INSL6: variants seen among roughly 807,000 people sequenced by gnomAD.
INSL6 encodes insulin like 6, also known as insulin-like peptide INSL6.
In INSL6, 16 loss-of-function variants were observed where a neutral mutation model predicts 9.4. The observed-to-expected ratio is 1.70, with a 90% CI of 1.15 to 2.59. The LOEUF (loss-of-function observed/expected upper bound fraction) is 2.59, where lower values mean the gene tolerates loss of function less well. INSL6 is among the 30% of genes most tolerant of loss of function. INSL6 has a pLI of 0.00. For synonymous variants in INSL6, 154 were observed against 96.9 expected (o/e 1.59, Z -3.46); for missense variants, 391 against 257.3 (o/e 1.52, Z -3.56).
intron 3 of INSL6, among the ~76,000 whole-genome samples, chr9:5,128,933 TAA>T (rs1216585918): frequency 6.6e-6 from 1 of 152,026 alleles, no homozygotes; most frequent in Non-Finnish European, 1.5e-5. Context: ...TCCAGTATAT[TAA>T]GTTATACAAT....
chr9:5,065,106 A>C, the INSL6 span: 1 of 1,083,212 alleles, frequency 9.2e-7, no homozygotes, highest in African/African-American at 1.6e-5. Context: ...AAGAAGATTT[A>C]ACAGAGTGAT....
chr9:5,041,307 A>T, the INSL6 span: 3 of 819,234 alleles, frequency 3.7e-6, no homozygotes, highest in Non-Finnish European at 6.0e-6. Context: ...ACCAAGAAGC[A>T]CATCCCGTGC....
intron 1 of INSL6, among the ~76,000 whole-genome samples, chr9:5,179,495 T>C (rs1825396086): frequency 1.5e-5 from 2 of 131,192 alleles, no homozygotes; most frequent in Admixed American, 1.4e-4. Context: ...CATTACTGGG[T>C]GTATACCCAA....
At chr9:5,081,719 C>T in the INSL6 span, 2 of 1,580,218 alleles carry the variant, frequency 1.3e-6, no homozygotes, top group African/African-American at 2.7e-5. Flanking sequence ...TTCTTTATTT[C>T]TCCAGATTAT....
At chr9:5,026,467 G>T in the INSL6 span, among the ~76,000 whole-genome samples, 1 of 152,186 alleles carries the variant, frequency 6.6e-6, no homozygotes, top group African/African-American at 2.4e-5. Flanking sequence ...AAGAATTTAA[G>T]TCTTTCTTGT....
At chr9:5,003,736 T>A in the INSL6 span, among the ~76,000 whole-genome samples, 1 of 152,116 alleles carries the variant, frequency 6.6e-6, no homozygotes, top group Non-Finnish European at 1.5e-5. Flanking sequence ...ATGTCCACTA[T>A]GGTATTGAAT....
the INSL6 span, among the ~76,000 whole-genome samples, chr9:5,089,020 A>T: frequency 5.7e-3 from 875 of 152,368 alleles, 8 homozygotes; most frequent in African/African-American, 0.02. Context: ...TTTGTAAAAA[A>T]GGAAAATTCT....
intron 1 of INSL6, among the ~76,000 whole-genome samples, chr9:5,183,887 C>G (rs1825510878): frequency 6.6e-6 from 1 of 152,112 alleles, no homozygotes; most frequent in African/African-American, 2.4e-5. Context: ...AGGCCCCACC[C>G]CAGGTCTACT....
chr9:5,085,185 T>G, the INSL6 span: 2 of 656,750 alleles, frequency 3.0e-6, no homozygotes, highest in Non-Finnish European at 5.9e-6. Flanking sequence ...AACTGAACCA[T>G]CTCATGATCA....
the INSL6 span, chr9:5,113,724 C>A: frequency 3.1e-3 from 521 of 166,062 alleles, 1 homozygote; most frequent in Non-Finnish European, 4.1e-3. Context: ...CCAGCCACCA[C>A]CCTCACGCCC....
the INSL6 span, among the ~76,000 whole-genome samples, chr9:5,080,843 C>T: frequency 2.0e-5 from 3 of 148,494 alleles, no homozygotes; most frequent in Non-Finnish European, 4.5e-5. Flanking sequence ...TATACATATT[C>T]TAATCTCCTT....
chr9:5,164,065 C>T lies in INSL6; in HGVS notation c.490G>A (p.Gly164Arg), dbSNP rs368362599. Residue 164 changes from glycine to arginine, a missense_variant, in exon 2 of 2, where the codon GGG (glycine) becomes AGG (arginine). Coordinates refer to ENST00000381641, the MANE Select transcript of INSL6 (RefSeq NM_007179.3). ...KIKTLSNLFW[G>R]HHPQRKRRGY... ...CTGCGTTTTCTTTGGGGATGATGCC[C>T]CCAAAACAAATTGCTTAAGGTTTTA... 24 of 1,613,646 alleles carry T rather than the reference C, an allele frequency of 1.5e-5. No individual in the cohort carries two copies. Among genetic ancestry groups the T allele is most frequent in the East Asian group, 2.2e-5 (1 of 44,792 alleles).
At chr9:5,050,649 T>G in the INSL6 span, 1 of 1,581,864 alleles carries the variant, frequency 6.3e-7, no homozygotes, top group Non-Finnish European at 8.6e-7. Flanking sequence ...ATAATGAAAC[T>G]TACGATGAGA....
chr9:5,175,900 T>A (rs1176632777), intron 1 of INSL6, among the ~76,000 whole-genome samples: 1 of 152,168 alleles, frequency 6.6e-6, no homozygotes, highest in Non-Finnish European at 1.5e-5. Context: ...CATTAAACAT[T>A]ACCATGTAAT....
chr9:5,084,873 T>A, the INSL6 span: 1 of 397,436 alleles, frequency 2.5e-6, no homozygotes, highest in Non-Finnish European at 4.8e-6. Context: ...AAATTGCCCA[T>A]CAATAAGTTT....
At chr9:5,019,239 T>C in the INSL6 span, among the ~76,000 whole-genome samples, 1 of 152,304 alleles carries the variant, frequency 6.6e-6, no homozygotes, top group East Asian at 1.9e-4. Flanking sequence ...CAGGCTTTGT[T>C]CATTCTTTTT....
intron 1 of INSL6, among the ~76,000 whole-genome samples, chr9:5,175,644 T>C (rs754099934): frequency 6.6e-6 from 1 of 152,112 alleles, no homozygotes; most frequent in Non-Finnish European, 1.5e-5. Flanking sequence ...CTGCTCCCCA[T>C]TGCTCGCATT....
At chr9:5,065,166 G>C in the INSL6 span, 2 of 510,962 alleles carry the variant, frequency 3.9e-6, no homozygotes, top group African/African-American at 3.9e-5. Context: ...TTAAACAAAA[G>C]GCTATTTGCA....
downstream of INSL6, among the ~76,000 whole-genome samples, chr9:5,121,139 A>G (rs999552767): frequency 6.6e-6 from 1 of 152,168 alleles, no homozygotes; most frequent in African/African-American, 2.4e-5. Context: ...AGTATAATTG[A>G]AAACAAAATC....
Sources: allele counts gnomAD v4.1 joint callset (sites outside exome capture counted in the v4.1 genomes callset), GRCh38; gene constraint gnomAD v4.1.1; transcripts MANE v1.5; gene names NCBI Gene and HGNC (gene_info 2026-07-23, HGNC 2026-07-21).